Variants in RBPMS2 observed in about 807,000 individuals in gnomAD.
RBPMS2 encodes the protein RNA binding protein, mRNA processing factor 2, also known as RNA-binding protein with multiple splicing 2.
RBPMS2 carries 14 observed loss-of-function variants against 25.7 expected under a neutral mutation model. The observed-to-expected ratio is 0.55, with a 90% CI of 0.36 to 0.85. The LOEUF (loss-of-function observed/expected upper bound fraction) is 0.85, where lower values mean the gene tolerates loss of function less well. Among genes scored for constraint, RBPMS2 ranks in the 40% least tolerant of loss-of-function variants. RBPMS2 has a pLI of 0.01. For synonymous variants in RBPMS2, 127 were observed against 115.6 expected, an observed-to-expected ratio of 1.10 and a Z score of -0.63; for missense variants, 252 against 283.4, an observed-to-expected ratio of 0.89 and a Z score of 0.80.
At chr15:64,768,684 C>T (rs897084149) in intron 1 of RBPMS2, among the ~76,000 whole-genome samples, 1 of 151,078 alleles carries the variant, frequency 6.6e-6, no homozygotes, top group Non-Finnish European at 1.5e-5. Context: ...GTAGTCCTAC[C>T]TACTAGGGAG....
intron 1 of RBPMS2, among the ~76,000 whole-genome samples, chr15:64,772,936 G>C (rs1349703679): frequency 2.6e-5 from 4 of 152,146 alleles, no homozygotes; most frequent in African/African-American, 9.7e-5. Flanking sequence ...CAAGCAGGCA[G>C]AGTCAAGGCT....
At chr15:64,742,443 C>T (rs1368302888) in intron 6 of RBPMS2, among the ~76,000 whole-genome samples, 1 of 152,246 alleles carries the variant, frequency 6.6e-6, no homozygotes, top group Non-Finnish European at 1.5e-5. Context: ...GAAGGCCCCA[C>T]AGAGCAGTAG....
intron 1 of RBPMS2, among the ~76,000 whole-genome samples, chr15:64,757,035 C>T (rs1326460923): frequency 7.0e-6 from 1 of 143,792 alleles, no homozygotes; most frequent in Non-Finnish European, 1.5e-5. Flanking sequence ...TGCAGTGGCG[C>T]TATCATAGCT....
intron 1 of RBPMS2, among the ~76,000 whole-genome samples, chr15:64,763,395 CAAG>C (rs1209141666): frequency 2.6e-5 from 4 of 152,250 alleles, no homozygotes; most frequent in East Asian, 1.9e-4. Context: ...GATCCCCTTG[CAAG>C]AAGCCCCCAT....
chr15:64,763,797 G>GGT (rs1473879889), intron 1 of RBPMS2, among the ~76,000 whole-genome samples: 1 of 150,030 alleles, frequency 6.7e-6, no homozygotes, highest in Non-Finnish European at 1.5e-5. Context: ...GACTTCCAAT[G>GGT]GTGTGTGTGT....
chr15:64,769,513 A>G (rs576353940), intron 1 of RBPMS2, among the ~76,000 whole-genome samples: 9 of 150,372 alleles, frequency 6.0e-5, no homozygotes, highest in Admixed American at 1.3e-4. Context: ...ACAAAAAATT[A>G]GCCGGGCGTA....
rs778844103 is a variant in RBPMS2, at chr15:64,748,433, C to T, written c.553G>A (p.Ala185Thr). 6.2e-7 allele frequency: 1 copy of T among 1,613,870 alleles called. No homozygotes were observed. Among genetic ancestry groups the T allele is most frequent in the Admixed American group, 1.7e-5 (1 of 59,998 alleles). ...TYPTATAAAAALHAQVRWYPS... is the reference protein window; with the variant it reads ...TYPTATAAAATLHAQVRWYPS... ...AAAGGGCTTACCTGAGCGTGGAGGG[C>T]GGCGGCAGCGGCAGTGGCAGTTGGG... The change falls in exon 6 of 8, where the codon GCC (alanine) becomes ACC (threonine). Residue 185 changes from alanine to threonine, a missense_variant. Coordinates refer to ENST00000300069, the MANE Select transcript of RBPMS2 (RefSeq NM_194272.3).
chr15:64,751,820 C>G lies in RBPMS2; in HGVS notation c.88-182G>C, dbSNP rs531016163. ...TTCACAGCACTCAATTTCTCAAAGC[C>G]CTTTCCTTTCTCTGGGTACATCCCA... On this transcript the variant is annotated intron_variant, in intron 1 of 7. Transcript: ENST00000300069. Among the ~76,000 whole-genome samples, 5 of 152,220 alleles carry G rather than the reference C, an allele frequency of 3.3e-5. No individual in the cohort carries two copies. In the South Asian group the frequency reaches 1.0e-3, roughly 32 times the overall value.
At chr15:64,747,836 C>T (rs879792459) in intron 6 of RBPMS2, among the ~76,000 whole-genome samples, 9 of 152,202 alleles carry the variant, frequency 5.9e-5, no homozygotes, top group Non-Finnish European at 7.3e-5. Context: ...GTTTCCTGCC[C>T]GGCACAGGTT....
At chr15:64,747,846 TCA>T (rs958920129) in intron 6 of RBPMS2, among the ~76,000 whole-genome samples, 15 of 152,152 alleles carry the variant, frequency 9.9e-5, no homozygotes, top group African/African-American at 3.6e-4. Context: ...CGGCACAGGT[TCA>T]CAGTGGACAG....
At chr15:64,749,516 C>A in intron 3 of RBPMS2, 23 bp from the exon 4 acceptor site, 1 of 1,590,090 alleles carries the variant, frequency 6.3e-7, no homozygotes, top group Non-Finnish European at 8.6e-7. Flanking sequence ...AGAGAGAACA[C>A]CCTTATATCT....
At chr15:64,747,760 C>T (rs1394725697) in intron 6 of RBPMS2, among the ~76,000 whole-genome samples, 3 of 152,206 alleles carry the variant, frequency 2.0e-5, no homozygotes, top group Non-Finnish European at 4.4e-5. Context: ...CAGCCCAGCA[C>T]CCCACACAGA....
At chr15:64,745,675 T>C (rs1408372346) in intron 6 of RBPMS2, among the ~76,000 whole-genome samples, 2 of 152,144 alleles carry the variant, frequency 1.3e-5, no homozygotes, top group African/African-American at 2.4e-5. Context: ...CCATCCACAG[T>C]TGCTTTTGTG....
chr15:64,744,821 T>G (rs1334499037), intron 6 of RBPMS2, among the ~76,000 whole-genome samples: 53 of 120,874 alleles, frequency 4.4e-4, no homozygotes, highest in African/African-American at 8.1e-4. Context: ...TTTTTTTTTT[T>G]TTTTTTTTTT....
At chr15:64,771,139 C>G (rs368196459) in intron 1 of RBPMS2, among the ~76,000 whole-genome samples, 1 of 152,254 alleles carries the variant, frequency 6.6e-6, no homozygotes, top group East Asian at 1.9e-4. Flanking sequence ...CACTCTCCCC[C>G]TTCCAGGGGT....
rs1228470227 is a variant in RBPMS2 at position 64,749,103 on chromosome 15, A to C, written c.315T>G (p.Phe105Leu). The change falls in exon 5 of 8, where the codon TTT becomes TTG. Residue 105 changes from phenylalanine (F) to leucine (L), a missense_variant. Transcript: ENST00000300069. ...TGGCCATCTTGGTGTTGGCTTTGGC[A>C]AACTCTAGCCTCAGAGTCTGTGGAT... ...PENPQTLRLE[F>L]AKANTKMAKS... 1 of 1,614,206 alleles carries C rather than the reference A, an allele frequency of 6.2e-7. No homozygotes were observed. The highest frequency in any genetic ancestry group is 1.1e-5 in the South Asian group (1 of 91,082).
intron 1 of RBPMS2, among the ~76,000 whole-genome samples, chr15:64,759,339 CCTGCCCAGG>C (rs2083761219): frequency 1.3e-5 from 2 of 152,310 alleles, no homozygotes; most frequent in South Asian, 2.1e-4. Flanking sequence ...GACGGAGGAG[CCTGCCCAGG>C]CTGCCCAGGT....
Position 64,775,267 on chromosome 15 carries a change from G to A in RBPMS2, c.53C>T (p.Ser18Phe). 5 of 1,344,404 alleles carry A rather than the reference G, an allele frequency of 3.7e-6. No homozygotes were observed. Among genetic ancestry groups the A allele is most frequent in the Middle Eastern group, 2.6e-4 (1 of 3,840 alleles). The allele number at this position is 1,344,404 out of a possible 1,614,324, so 83.3% of individuals were successfully genotyped here. ...GEHGGSTGTG[S>F]GAGSGGALEE... ...CAGGGCGCCGCCGGAGCCCGCGCCGGAGCCGGTGCCGGTGCTGCCGCCGTG... is the reference window on the plus strand; with the variant it reads ...CAGGGCGCCGCCGGAGCCCGCGCCGAAGCCGGTGCCGGTGCTGCCGCCGTG... The change falls in exon 1 of 8, where the codon TCC becomes TTC. Residue 18 changes from serine to phenylalanine, a missense_variant. By Grantham distance (155) the Ser-to-Phe change is radical. Coordinates refer to ENST00000300069, the MANE Select transcript of RBPMS2 (RefSeq NM_194272.3).
intron 1 of RBPMS2, among the ~76,000 whole-genome samples, chr15:64,768,796 T>TA (rs77525133): frequency 4.6e-4 from 65 of 142,628 alleles, no homozygotes; most frequent in African/African-American, 1.5e-3. Flanking sequence ...ACCCCGTCTA[T>TA]AAAAAAAAAA....
Sources: allele counts gnomAD v4.1 joint callset (sites outside exome capture counted in the v4.1 genomes callset), GRCh38; gene constraint gnomAD v4.1.1; transcripts MANE v1.5; gene names NCBI Gene and HGNC (gene_info 2026-07-23, HGNC 2026-07-21).